The following DIAPH3 variants were observed in gnomAD, a reference collection of about 807,000 sequenced individuals.
The protein encoded by DIAPH3 is diaphanous related formin 3.
DIAPH3 carries 117 observed loss-of-function variants against 144.3 expected under a neutral mutation model. The observed-to-expected ratio is 0.81, with a 90% CI of 0.70 to 0.95. The LOEUF (loss-of-function observed/expected upper bound fraction) is 0.95. DIAPH3 is among the 40% of genes least tolerant of loss of function. The pLI, the probability that DIAPH3 is intolerant of heterozygous loss-of-function variation, is 0.00. For missense variants in DIAPH3, 1,421 were observed against 1,412.7 expected, an observed-to-expected ratio of 1.01 and a Z score of -0.09; for synonymous variants, 519 against 488.9, an observed-to-expected ratio of 1.06 and a Z score of -0.81.
intron 21 of DIAPH3, among the ~76,000 whole-genome samples, chr13:59,865,822 A>C (rs1593741560): frequency 6.6e-6 from 1 of 152,036 alleles, no homozygotes. Flanking sequence ...TTATTTAGTC[A>C]CATGGTAATA....
Position 59,774,268 on chromosome 13 carries a change from A to G in DIAPH3, c.3260-20T>C. 1 of 1,590,618 alleles carries G rather than the reference A, an allele frequency of 6.3e-7. No individual in the cohort carries two copies. The highest frequency in any genetic ancestry group is 1.1e-5 in the South Asian group (1 of 89,284). On this transcript the variant is annotated intron_variant, in intron 26 of 27. Coordinates refer to ENST00000400324, the MANE Select transcript of DIAPH3 (RefSeq NM_001042517.2). ...GAACATCTGTTAAAAAAAAAAATAA[A>G]ATAAACTTAATATAGAGGTCTGGGC... is the stretch of plus-strand genomic sequence containing the variant.
intron 27 of DIAPH3, among the ~76,000 whole-genome samples, chr13:59,724,955 CA>C (rs2035536103): frequency 6.6e-6 from 1 of 152,102 alleles, no homozygotes; most frequent in Non-Finnish European, 1.5e-5. Flanking sequence ...TTTTATTTAT[CA>C]AGGACTGTAT....
intron 25 of DIAPH3, among the ~76,000 whole-genome samples, chr13:59,777,516 A>G (rs1278743399): frequency 6.6e-6 from 1 of 152,192 alleles, no homozygotes; most frequent in Non-Finnish European, 1.5e-5. Flanking sequence ...TGCAAAAACT[A>G]TTGTGCATAA....
intron 27 of DIAPH3, among the ~76,000 whole-genome samples, chr13:59,671,577 TTGATTGTAGTAC>T (rs1468467638): frequency 6.6e-6 from 1 of 152,296 alleles, no homozygotes; most frequent in East Asian, 1.9e-4. Context: ...AGGGCCACTG[TTGATTGTAGTAC>T]TGATAGGCAA....
intron 27 of DIAPH3, among the ~76,000 whole-genome samples, chr13:59,750,340 A>G (rs1593747732): frequency 6.6e-6 from 1 of 152,234 alleles, no homozygotes; most frequent in East Asian, 1.9e-4. Context: ...AAGGGAGGAT[A>G]TAATAGTATA....
chr13:60,123,318 A>G (rs1259212092), intron 2 of DIAPH3, among the ~76,000 whole-genome samples: 1 of 152,150 alleles, frequency 6.6e-6, no homozygotes, highest in Non-Finnish European at 1.5e-5. Flanking sequence ...CTTTTTCCAT[A>G]TTTGTATTTC....
rs1483709797 is a variant in DIAPH3 at position 59,970,945 on chromosome 13, T to G, written c.1866A>C (p.Gln622His). ...GCAGGATTGGTAGAGGAGGAGAATT[T>G]TGTCCTCCAAGGAATCCCAGGGGAG... ...PPPPLGFLGG[Q>H]NSPPLPILPF... Residue 622 changes from glutamine to histidine, a missense_variant, in exon 16 of 28, where the codon CAA (glutamine) becomes CAC (histidine). By Grantham distance (24) the Gln-to-His change is conservative. Transcript: ENST00000400324. 2.5e-6 allele frequency: 4 copies of G among 1,613,832 alleles called. No homozygotes were observed. The highest frequency in any genetic ancestry group is 3.4e-6 in the Non-Finnish European group (4 of 1,179,988).
intron 1 of DIAPH3, among the ~76,000 whole-genome samples, chr13:60,146,972 C>T (rs767971120): frequency 6.6e-6 from 1 of 152,114 alleles, no homozygotes; most frequent in Non-Finnish European, 1.5e-5. Flanking sequence ...TTGTTTCACT[C>T]GTAAACTTAT....
intron 1 of DIAPH3, among the ~76,000 whole-genome samples, chr13:60,159,353 C>T (rs1184868813): frequency 2.0e-5 from 3 of 152,104 alleles, no homozygotes; most frequent in Admixed American, 6.5e-5. Flanking sequence ...AGGCCAGGTG[C>T]GATGGCTCAC....
At chr13:59,880,849 A>G (rs1210032506) in intron 20 of DIAPH3, among the ~76,000 whole-genome samples, 1 of 151,962 alleles carries the variant, frequency 6.6e-6, no homozygotes, top group Non-Finnish European at 1.5e-5. Context: ...GGTTATTCAT[A>G]TACAATCAAG....
At position 59,673,092 on chromosome 13, in the gene DIAPH3, A is replaced by G. The variant is rs182143038; in HGVS notation, c.3320-6246T>C. Reference sequence around the variant, plus strand: ...CTAATTGAGTGTAGGGCTACAAGGAAGCTCAAGATGACGCAGGCTCTGTGC... The same window carrying G: ...CTAATTGAGTGTAGGGCTACAAGGAGGCTCAAGATGACGCAGGCTCTGTGC... On this transcript the variant is annotated intron_variant, in intron 27 of 27. Transcript: ENST00000400324. Among the ~76,000 whole-genome samples the G allele has an allele frequency of 1.6e-4, 25 of 152,278 alleles. 1 individual carries two copies. Among genetic ancestry groups the G allele is most frequent in the Middle Eastern group, 3.4e-3 (1 of 294 alleles).
chr13:59,783,047 T>C (rs1319935482), intron 25 of DIAPH3, among the ~76,000 whole-genome samples: 1 of 152,116 alleles, frequency 6.6e-6, no homozygotes, highest in Non-Finnish European at 1.5e-5. Flanking sequence ...AGCTAGGAAG[T>C]AACATGGTCA....
At position 59,775,184 on chromosome 13, in the gene DIAPH3, C is replaced by A. The variant is rs1046726138; in HGVS notation, c.3164-361G>T. 2.0e-5 allele frequency among the ~76,000 whole-genome samples: 3 copies of A among 152,246 alleles called. No individual in the cohort carries two copies. In the East Asian group the frequency reaches 5.8e-4, roughly 29 times the overall value. On this transcript the variant is annotated intron_variant, in intron 25 of 27. Transcript: ENST00000400324. ...TTCCTTTGTAGAGATGAGCTATTTT[C>A]AAGGCATCATCTTCTATTCTAAAGT... is the stretch of plus-strand genomic sequence containing the variant.
intron 1 of DIAPH3, among the ~76,000 whole-genome samples, chr13:60,136,827 C>G (rs1303417711): frequency 6.6e-6 from 1 of 152,014 alleles, no homozygotes; most frequent in Admixed American, 6.5e-5. Flanking sequence ...GCAGTCCCAG[C>G]TACTCGGGAG....
chr13:59,792,453 C>T (rs1237492717), intron 25 of DIAPH3, among the ~76,000 whole-genome samples: 3 of 152,290 alleles, frequency 2.0e-5, no homozygotes, highest in African/African-American at 7.2e-5. Context: ...TGTGAGAATT[C>T]AGTTTAATGT....
chr13:59,847,168 A>G (rs2042688111), intron 22 of DIAPH3, among the ~76,000 whole-genome samples: 2 of 152,186 alleles, frequency 1.3e-5, no homozygotes, highest in African/African-American at 4.8e-5. Context: ...CCTGACTCAG[A>G]TCTTCTTTCT....
At chr13:59,731,663 A>T (rs1320111754) in intron 27 of DIAPH3, among the ~76,000 whole-genome samples, 1 of 152,182 alleles carries the variant, frequency 6.6e-6, no homozygotes, top group Non-Finnish European at 1.5e-5. Flanking sequence ...TGAGTGAGTA[A>T]ATCAACGTTG....
chr13:59,940,092 C>A lies in DIAPH3; in HGVS notation c.2075-15222G>T, dbSNP rs192101120. Among the ~76,000 whole-genome samples the A allele has an allele frequency of 3.3e-5, 5 of 152,246 alleles. No individual in the cohort carries two copies. In the East Asian group the frequency reaches 9.7e-4, roughly 29 times the overall value. On this transcript the variant is annotated intron_variant, in intron 17 of 27. Coordinates refer to ENST00000400324, the MANE Select transcript of DIAPH3 (RefSeq NM_001042517.2). Reference sequence around the variant, plus strand: ...GCCTGCCCCCACTCCCCTAAACAATCTTACCTTCAGTGTAACAACCAAATC... The same window carrying A: ...GCCTGCCCCCACTCCCCTAAACAATATTACCTTCAGTGTAACAACCAAATC...
At position 59,666,520 on chromosome 13, in the gene DIAPH3, G is replaced by T. The variant is rs2032018547; in HGVS notation, c.*64C>A. ...ACTTACATAAAAGCAATTTTTTCAAGTGTTATAGTTTAGAGCATGGCTTTA... is the reference window on the plus strand; with the variant it reads ...ACTTACATAAAAGCAATTTTTTCAATTGTTATAGTTTAGAGCATGGCTTTA... On this transcript the variant is annotated 3_prime_UTR_variant, in exon 28 of 28. Coordinates refer to ENST00000400324, the MANE Select transcript of DIAPH3 (RefSeq NM_001042517.2). The T allele has an allele frequency of 6.3e-7, 1 of 1,587,442 alleles. No homozygotes were observed. The highest frequency in any genetic ancestry group is 1.8e-5 in the Admixed American group (1 of 56,080).
Sources: gnomAD v4.1 joint callset for allele counts (sites outside exome capture counted in the v4.1 genomes callset) on GRCh38, gnomAD v4.1.1 for gene constraint, MANE v1.5 for transcripts, NCBI Gene and HGNC (gene_info 2026-07-23, HGNC 2026-07-21) for gene names.